ERC2: variants seen among roughly 807,000 people sequenced by gnomAD.
ERC2 encodes the protein ERC protein 2.
ERC2 carries 42 observed loss-of-function variants against 114.8 expected under a neutral mutation model. The ratio of observed to expected loss-of-function variants is 0.37; its 90% CI spans 0.29 to 0.47. The LOEUF (loss-of-function observed/expected upper bound fraction) is 0.47. Ranked by LOEUF, ERC2 falls within the 20% of genes least tolerant of loss-of-function variation. The pLI is 0.99. For missense variants in ERC2, 939 were observed against 1,150.7 expected, an observed-to-expected ratio of 0.82 and a Z score of 2.66; for synonymous variants, 454 against 425.5, an observed-to-expected ratio of 1.07 and a Z score of -0.82.
chr3:55,896,793 T>C (rs920699617), intron 13 of ERC2, among the ~76,000 whole-genome samples: 2 of 152,138 alleles, frequency 1.3e-5, no homozygotes, highest in African/African-American at 4.8e-5. Flanking sequence ...TAATTAAAGG[T>C]TTCTTCAAGC....
At chr3:55,521,745 G>C (rs1371039791) in intron 17 of ERC2, among the ~76,000 whole-genome samples, 1 of 152,170 alleles carries the variant, frequency 6.6e-6, no homozygotes, top group Non-Finnish European at 1.5e-5. Context: ...CATGGTGGGG[G>C]AGAAGCCAAA....
chr3:55,821,058 G>A (rs975077583), intron 14 of ERC2, among the ~76,000 whole-genome samples: 1 of 151,882 alleles, frequency 6.6e-6, no homozygotes, highest in East Asian at 1.9e-4. Flanking sequence ...GTGCTAGAGC[G>A]TGTGAAGAAG....
Position 55,639,856 on chromosome 3 carries a change from C to T in ERC2, c.*39+43938G>A, listed in dbSNP as rs144782756. Among the ~76,000 whole-genome samples the T allele has an allele frequency of 3.4e-3, 511 of 152,204 alleles. 3 individuals are homozygous for T. The highest frequency in any genetic ancestry group is 0.011 in the African/African-American group (472 of 41,520). ...AAATTAACTTAAACCCCTGTGTTGC[C>T]GATGAGTTTATCAAGGGCAGGAAGC... On this transcript the variant is annotated intron_variant, in intron 17 of 17. Transcript: ENST00000288221.
intron 7 of ERC2, among the ~76,000 whole-genome samples, chr3:56,058,417 C>T (rs1469392812): frequency 6.6e-6 from 1 of 152,222 alleles, no homozygotes; most frequent in Non-Finnish European, 1.5e-5. Flanking sequence ...ACCAACTCTG[C>T]CACCACCCCA....
intron 3 of ERC2, among the ~76,000 whole-genome samples, chr3:56,184,514 G>A (rs1474762783): frequency 8.5e-5 from 13 of 152,086 alleles, no homozygotes; most frequent in Admixed American, 8.5e-4. Context: ...TGCCTGATTT[G>A]CTCTGCACAG....
At chr3:55,804,347 T>C (rs974400320) in intron 14 of ERC2, among the ~76,000 whole-genome samples, 4 of 152,122 alleles carry the variant, frequency 2.6e-5, no homozygotes, top group African/African-American at 9.7e-5. Flanking sequence ...CTTTGGGTCC[T>C]CCTGGTGGTC....
intron 17 of ERC2, among the ~76,000 whole-genome samples, chr3:55,622,409 G>A (rs1283086063): frequency 6.6e-6 from 1 of 151,940 alleles, no homozygotes; most frequent in African/African-American, 2.4e-5. Context: ...TTTTCCTTGT[G>A]TTTCTAATGA....
chr3:55,589,215 CAAAA>C (rs5849104), intron 17 of ERC2, among the ~76,000 whole-genome samples: 6 of 99,818 alleles, frequency 6.0e-5, no homozygotes, highest in Non-Finnish European at 7.7e-5. Flanking sequence ...CAGTCACTAC[CAAAA>C]AAAAAAAAAA....
chr3:55,732,338 G>A (rs578174021), intron 15 of ERC2, among the ~76,000 whole-genome samples: 6 of 152,264 alleles, frequency 3.9e-5, no homozygotes, highest in South Asian at 2.1e-4. Context: ...TTTGGTGGGT[G>A]GGGTGAGGAA....
chr3:55,858,456 A>G (rs1292079848), intron 14 of ERC2, among the ~76,000 whole-genome samples: 2 of 152,226 alleles, frequency 1.3e-5, no homozygotes, highest in African/African-American at 2.4e-5. Flanking sequence ...GCAATGTGTG[A>G]TCTACATGAC....
intron 15 of ERC2, among the ~76,000 whole-genome samples, chr3:55,714,420 T>G (rs1241955327): frequency 6.6e-6 from 1 of 152,032 alleles, no homozygotes; most frequent in Non-Finnish European, 1.5e-5. Context: ...AAAATGTCCA[T>G]ATATTAGGCT....
intron 6 of ERC2, among the ~76,000 whole-genome samples, chr3:56,111,642 C>T (rs1246292409): frequency 6.6e-6 from 1 of 152,116 alleles, no homozygotes; most frequent in Non-Finnish European, 1.5e-5. Flanking sequence ...ACCATCTAAG[C>T]CAGGGAGAAA....
chr3:55,858,098 C>T (rs2061867944), intron 14 of ERC2, among the ~76,000 whole-genome samples: 1 of 152,114 alleles, frequency 6.6e-6, no homozygotes, highest in African/African-American at 2.4e-5. Flanking sequence ...TATACATATA[C>T]ATGCATACAC....
At chr3:55,565,638 T>C (rs550960591) in intron 17 of ERC2, among the ~76,000 whole-genome samples, 2 of 151,596 alleles carry the variant, frequency 1.3e-5, no homozygotes, top group African/African-American at 4.8e-5. Flanking sequence ...ATAAAAAAAA[T>C]GTGATGGCCT....
Position 55,819,618 on chromosome 3 carries a change from C to T in ERC2, c.2564+68771G>A, listed in dbSNP as rs141596224. Among the ~76,000 whole-genome samples, 453 of 152,294 alleles carry T rather than the reference C, an allele frequency of 3.0e-3. 4 individuals carry two copies. The highest frequency in any genetic ancestry group is 0.01 in the African/African-American group (431 of 41,574). On this transcript the variant is annotated intron_variant, in intron 14 of 17. Coordinates refer to ENST00000288221, the MANE Select transcript of ERC2 (RefSeq NM_015576.3). ...GAGGGACATGTGGTGAGTGGAAATTCTCTACCACACACAGAGAGAAAAGAA... is the reference window on the plus strand; with the variant it reads ...GAGGGACATGTGGTGAGTGGAAATTTTCTACCACACACAGAGAGAAAAGAA...
intron 3 of ERC2, among the ~76,000 whole-genome samples, chr3:56,285,298 C>A (rs1185636541): frequency 6.6e-6 from 1 of 151,854 alleles, no homozygotes; most frequent in Non-Finnish European, 1.5e-5. Flanking sequence ...ACCAGCAGTT[C>A]ACCACCATAA....
At chr3:56,245,622 C>T (rs571183312) in intron 3 of ERC2, among the ~76,000 whole-genome samples, 22 of 151,816 alleles carry the variant, frequency 1.4e-4, no homozygotes, top group African/African-American at 4.6e-4. Flanking sequence ...GAGTGCACTG[C>T]AATCTCCGCC....
chr3:55,997,878 C>A (rs1461480348), intron 10 of ERC2, among the ~76,000 whole-genome samples: 3 of 28,962 alleles, frequency 1.0e-4, no homozygotes, highest in Non-Finnish European at 1.3e-4. Context: ...CATCTTAATT[C>A]TGTTTTTTTT....
At chr3:55,744,181 T>C (rs1376601712) in intron 14 of ERC2, among the ~76,000 whole-genome samples, 5 of 152,014 alleles carry the variant, frequency 3.3e-5, no homozygotes, top group Non-Finnish European at 7.4e-5. Context: ...GGTGGGTGTA[T>C]CACCTGAGGT....
Sources: gnomAD v4.1 joint callset for allele counts (sites outside exome capture counted in the v4.1 genomes callset) on GRCh38, gnomAD v4.1.1 for gene constraint, MANE v1.5 for transcripts, NCBI Gene and HGNC (gene_info 2026-07-23, HGNC 2026-07-21) for gene names.